Variants in SEMA3A observed in about 807,000 individuals in gnomAD.
SEMA3A encodes the protein semaphorin 3A, also known as semaphorin-3A.
A neutral mutation model predicts 97.9 loss-of-function variants in SEMA3A; 29 were observed. That is an observed-to-expected ratio of 0.30 (90% CI 0.22 to 0.40). The LOEUF (loss-of-function observed/expected upper bound fraction) is 0.40, where lower values mean the gene tolerates loss of function less well. Among genes scored for constraint, SEMA3A ranks in the 10% least tolerant of loss-of-function variants. The pLI is 1.00. For missense variants in SEMA3A, 763 were observed against 951.3 expected (o/e 0.80, Z 2.60); for synonymous variants, 321 against 323.7 (o/e 0.99, Z 0.09).
intron 2 of SEMA3A, among the ~76,000 whole-genome samples, chr7:84,130,387 T>C (rs1266731547): frequency 1.3e-5 from 2 of 152,132 alleles, no homozygotes; most frequent in Non-Finnish European, 2.9e-5. Context: ...GATGACTTGA[T>C]AAATGCATTT....
chr7:83,973,085 T>C (rs1351714121), intron 15 of SEMA3A, among the ~76,000 whole-genome samples: 1 of 152,152 alleles, frequency 6.6e-6, no homozygotes, highest in Non-Finnish European at 1.5e-5. Context: ...TCTTTCTTAC[T>C]TCTGACAGAT....
At chr7:84,062,084 T>G (rs1382960453) in intron 4 of SEMA3A, among the ~76,000 whole-genome samples, 1 of 152,196 alleles carries the variant, frequency 6.6e-6, no homozygotes, top group Admixed American at 6.5e-5. Context: ...AAATAATTTA[T>G]TTAAAACATT....
intron 1 of SEMA3A, among the ~76,000 whole-genome samples, chr7:84,191,928 C>T (rs1326463652): frequency 1.3e-5 from 2 of 151,818 alleles, no homozygotes; most frequent in Non-Finnish European, 2.9e-5. Flanking sequence ...TGTACACCCG[C>T]TACAAAGGCC....
intron 3 of SEMA3A, among the ~76,000 whole-genome samples, chr7:84,265,472 A>G (rs1017825652): frequency 9.5e-5 from 14 of 147,480 alleles, no homozygotes; most frequent in African/African-American, 3.4e-4. Flanking sequence ...CAAGATGAAT[A>G]TATCTTATAT....
chr7:84,184,064 T>G (rs1043439900), intron 1 of SEMA3A, among the ~76,000 whole-genome samples: 1 of 152,194 alleles, frequency 6.6e-6, no homozygotes, highest in African/African-American at 2.4e-5. Flanking sequence ...AGATAGTTTT[T>G]CCCTACTTGA....
intron 1 of SEMA3A, among the ~76,000 whole-genome samples, chr7:84,149,128 A>G (rs10488271): frequency 0.22 from 33,977 of 152,106 alleles, 3,908 homozygotes; most frequent in South Asian, 0.27. Flanking sequence ...GTTGGACAAG[A>G]TTAAGTTCTC....
rs569572264 is a variant in SEMA3A, at chr7:84,044,714, A to T, written c.667+1610T>A. On this transcript the variant is annotated intron_variant, in intron 6 of 16. Transcript: ENST00000265362. ...AAAGGTAGTGAAACATTGAGGAAAC[A>T]AGTCCTAACCAGGCTATGAACTTAG... Among the ~76,000 whole-genome samples the T allele has an allele frequency of 3.4e-3, 515 of 152,154 alleles. 2 individuals carry two copies. The highest frequency in any genetic ancestry group is 0.012 in the African/African-American group (491 of 41,536).
chr7:84,221,087 A>G (rs1464699878), intron 3 of SEMA3A, among the ~76,000 whole-genome samples: 3 of 152,128 alleles, frequency 2.0e-5, no homozygotes, highest in Admixed American at 2.0e-4. Flanking sequence ...TCTTCTGAAC[A>G]ACTTGTTGCA....
intron 1 of SEMA3A, among the ~76,000 whole-genome samples, chr7:84,491,275 A>G (rs879513532): frequency 6.6e-6 from 1 of 152,118 alleles, no homozygotes; most frequent in Non-Finnish European, 1.5e-5. Flanking sequence ...ACTACTCTAC[A>G]TATGTGCATT....
At chr7:84,468,372 T>C (rs1229768849) in intron 1 of SEMA3A, among the ~76,000 whole-genome samples, 4 of 152,218 alleles carry the variant, frequency 2.6e-5, no homozygotes, top group Admixed American at 2.6e-4. Context: ...TAAGACGGTC[T>C]TATTTATGTA....
In SEMA3A at chr7:84,239,621, C is replaced by A. The variant is rs189245750; in HGVS notation, c.-82-44953G>T. Among the ~76,000 whole-genome samples, 210 of 152,178 alleles carry A rather than the reference C, an allele frequency of 1.4e-3. 1 individual carries two copies. The highest frequency in any genetic ancestry group is 1.9e-3 in the Non-Finnish European group (128 of 67,968). ...AATTATATTTTATAGTTAGCAATTT[C>A]TTTTTATAGTTTAGAAATTGGATCG... On this transcript the variant is annotated intron_variant, in intron 3 of 3. Coordinates refer to the SEMA3A transcript ENST00000424555.
intron 3 of SEMA3A, among the ~76,000 whole-genome samples, chr7:84,218,854 C>T (rs1798810854): frequency 6.6e-6 from 1 of 152,098 alleles, no homozygotes; most frequent in Non-Finnish European, 1.5e-5. Flanking sequence ...TTACTCTATG[C>T]CTTCCTATCT....
chr7:84,134,793 C>A lies in SEMA3A; in HGVS notation c.270+1G>T. The A allele has an allele frequency of 6.2e-7, 1 of 1,604,586 alleles. No individual in the cohort carries two copies. Among genetic ancestry groups the A allele is most frequent in the Non-Finnish European group, 8.5e-7 (1 of 1,173,776 alleles). ...TAGTGCATATATTAGAATACTGATA[C>A]CTTTTGAAAATCCTTGATATTAACC... On this transcript the variant is annotated splice_donor_variant, in intron 2 of 16. Transcript: ENST00000265362. LOFTEE classifies it high-confidence loss of function.
intron 2 of SEMA3A, among the ~76,000 whole-genome samples, chr7:84,129,968 T>C (rs1319664493): frequency 6.6e-6 from 1 of 152,078 alleles, no homozygotes; most frequent in African/African-American, 2.4e-5. Context: ...ATGTTAATGG[T>C]GGCTTGGAGG....
chr7:84,198,664 C>A (rs1410271183), upstream of SEMA3A, among the ~76,000 whole-genome samples: 3 of 152,170 alleles, frequency 2.0e-5, no homozygotes, highest in African/African-American at 7.2e-5. Flanking sequence ...TATGTTCTAA[C>A]AATTCGAGCT....
intron 3 of SEMA3A, among the ~76,000 whole-genome samples, chr7:84,128,736 T>C (rs1464024425): frequency 6.6e-6 from 1 of 152,044 alleles, no homozygotes; most frequent in African/African-American, 2.4e-5. Flanking sequence ...AGGTCGAGCA[T>C]CCCTAATTCA....
chr7:84,250,162 T>A (rs1181659542), intron 3 of SEMA3A, among the ~76,000 whole-genome samples: 1 of 151,910 alleles, frequency 6.6e-6, no homozygotes, highest in Admixed American at 6.6e-5. Flanking sequence ...AATTAATGTA[T>A]AGAAACATAT....
chr7:84,027,701 G>T (rs931022878), intron 6 of SEMA3A, among the ~76,000 whole-genome samples: 1 of 152,138 alleles, frequency 6.6e-6, no homozygotes, highest in African/African-American at 2.4e-5. Context: ...TGGAGATGAG[G>T]TGGCAGTGTT....
At chr7:84,247,839 TACAG>T (rs1222721843) in intron 3 of SEMA3A, among the ~76,000 whole-genome samples, 1 of 152,158 alleles carries the variant, frequency 6.6e-6, no homozygotes, top group Non-Finnish European at 1.5e-5. Flanking sequence ...CTTAAAAAAC[TACAG>T]ACAGTGATGA....
Sources: gnomAD v4.1 joint callset for allele counts (sites outside exome capture counted in the v4.1 genomes callset) on GRCh38, gnomAD v4.1.1 for gene constraint, MANE v1.5 for transcripts, NCBI Gene and HGNC (gene_info 2026-07-23, HGNC 2026-07-21) for gene names.